Variants in SANBR observed in about 807,000 individuals in gnomAD.
The protein encoded by SANBR is SANT and BTB domain regulator of CSR.
A neutral mutation model predicts 101.8 loss-of-function variants in SANBR; 77 were observed. That is an observed-to-expected ratio of 0.76 (90% CI 0.63 to 0.91). SANBR has a LOEUF of 0.91. SANBR is among the 40% of genes least tolerant of loss of function. The pLI, the probability that SANBR is intolerant of heterozygous loss-of-function variation, is 0.00. For missense variants in SANBR, 875 were observed against 853.0 expected (o/e 1.03, Z -0.32); for synonymous variants, 279 against 274.7 (o/e 1.02, Z -0.15).
chr2:61,067,541 T>A (rs1472842881), intron 1 of SANBR, among the ~76,000 whole-genome samples: 1 of 152,020 alleles, frequency 6.6e-6, no homozygotes, highest in African/African-American at 2.4e-5. Context: ...ATCGAGACTA[T>A]CCTGGCCAAC....
rs1443293001 is a variant in SANBR, at chr2:61,097,826, C to T, written c.1339C>T (p.Arg447Trp). The change falls in exon 12 of 22, where the codon CGG becomes TGG. Residue 447 changes from arginine to tryptophan, a missense_variant. Transcript: ENST00000402291. ...IYPCCNQKVL[R>W]FDPTQLTKGC... ...TCCCTGCTGTAACCAAAAGGTTCTT[C>T]GGTTTGATCCTACTCAGCTTACAAA... 5.6e-6 allele frequency: 9 copies of T among 1,612,870 alleles called. No homozygotes were observed. Among genetic ancestry groups the T allele is most frequent in the African/African-American group, 5.3e-5 (4 of 74,868 alleles).
intron 12 of SANBR, among the ~76,000 whole-genome samples, chr2:61,100,001 T>G (rs756648907): frequency 6.6e-6 from 1 of 152,078 alleles, no homozygotes; most frequent in East Asian, 1.9e-4. Flanking sequence ...GAGTGAGAGA[T>G]AAACAAATGG....
At chr2:61,067,183 C>G (rs1288449401) in intron 1 of SANBR, among the ~76,000 whole-genome samples, 1 of 152,110 alleles carries the variant, frequency 6.6e-6, no homozygotes, top group Non-Finnish European at 1.5e-5. Flanking sequence ...GGGGGGTCTT[C>G]CCTTGCCTAG....
chr2:61,120,308 T>C (rs1386364519), intron 20 of SANBR, among the ~76,000 whole-genome samples: 1 of 151,406 alleles, frequency 6.6e-6, no homozygotes, highest in Non-Finnish European at 1.5e-5. Context: ...CAAGACCATC[T>C]GGCCAACATG....
intron 14 of SANBR, among the ~76,000 whole-genome samples, 186 bp from the exon 15 acceptor site, chr2:61,108,131 C>T (rs957599659): frequency 3.3e-5 from 5 of 152,260 alleles, no homozygotes; most frequent in Admixed American, 3.3e-4. Context: ...CATCCACATC[C>T]TCCTCTAGCA....
intron 10 of SANBR, chr2:61,089,126 A>G: frequency 2.0e-6 from 2 of 983,646 alleles, no homozygotes; most frequent in Non-Finnish European, 2.4e-6. Context: ...AAGAGAACCA[A>G]ATTTACTTTC....
chr2:61,095,452 T>C (rs535975532), intron 11 of SANBR, among the ~76,000 whole-genome samples: 2 of 152,318 alleles, frequency 1.3e-5, no homozygotes, highest in African/African-American at 4.8e-5. Flanking sequence ...TTCTGAATTA[T>C]AGGCAGCTGA....
downstream of SANBR, among the ~76,000 whole-genome samples, chr2:61,124,971 G>T (rs1007426157): frequency 1.3e-5 from 2 of 152,252 alleles, no homozygotes; most frequent in East Asian, 1.9e-4. Flanking sequence ...AATGTATTTT[G>T]TGTTTAATTC....
At chr2:61,088,548 C>A in intron 10 of SANBR, 80 bp downstream of exon 10, 5 of 914,106 alleles carry the variant, frequency 5.5e-6, no homozygotes, top group Non-Finnish European at 7.8e-6. Context: ...GAGACGGAGT[C>A]TTACTCTGTC....
chr2:61,109,677 G>GTTTTTTTTTTTTTTTTTT (rs1363427197), intron 16 of SANBR, among the ~76,000 whole-genome samples: 2 of 109,494 alleles, frequency 1.8e-5, no homozygotes, highest in Admixed American at 9.3e-5. Context: ...TTTTTTTTGT[G>GTTTTTTTTTTTTTTTTTT]TTTGTTTTTT....
At chr2:61,103,182 C>G (rs1467251629) in intron 12 of SANBR, among the ~76,000 whole-genome samples, 1 of 148,492 alleles carries the variant, frequency 6.7e-6, no homozygotes, top group Non-Finnish European at 1.5e-5. Flanking sequence ...ATCGCCCAAG[C>G]TGGAGTGCAG....
intron 20 of SANBR, chr2:61,133,997 A>G (rs1684767420): frequency 8.5e-6 from 11 of 1,289,172 alleles, no homozygotes; most frequent in Non-Finnish European, 1.2e-5. Flanking sequence ...ATCAAATTGC[A>G]TTTGGGTAAT....
At chr2:61,080,790 A>G (rs766994943) in intron 6 of SANBR, among the ~76,000 whole-genome samples, 1 of 152,028 alleles carries the variant, frequency 6.6e-6, no homozygotes, top group Non-Finnish European at 1.5e-5. Flanking sequence ...ACAGATTGGG[A>G]TTACTTATTT....
Position 61,077,136 on chromosome 2 carries a change from A to G in SANBR, c.648A>G (p.Lys216=), listed in dbSNP as rs1729659. 516,953 of 1,606,506 alleles carry G rather than the reference A, an allele frequency of 0.32. 85,568 individuals are homozygous for G. The highest frequency in any genetic ancestry group is 0.43 in the East Asian group (19,386 of 44,810). ...KYIKRNTKEN[K]DCEMPTLEPG... ...TTAAAAGGAACACTAAGGAGAATAA[A>G]GATTGTGAGATGCCCACTTTAGGTA... The change falls in exon 6 of 22, where the codon AAA becomes AAG. Residue 216 remains lysine (K), a synonymous_variant. Transcript: ENST00000402291.
chr2:61,083,294 CA>C lies in SANBR; in HGVS notation c.876del (p.Asp293IlefsTer21), dbSNP rs1294850896. On this transcript the variant is annotated frameshift_variant, in exon 8 of 22. Transcript: ENST00000402291. LOFTEE classifies it high-confidence loss of function. Reference sequence around the variant, plus strand: ...ACAATGAAGTTGATGATTTAAAGGACAAAAAAGATAAATTTAAAAGGTAATT... The same window carrying C: ...ACAATGAAGTTGATGATTTAAAGGACAAAAAGATAAATTTAAAAGGTAATT... ...SHNEVDDLKD[K>X]KDKFKSKLFC... 1.9e-6 allele frequency: 3 copies of C among 1,596,700 alleles called. No individual in the cohort carries two copies. The highest frequency in any genetic ancestry group is 2.6e-6 in the Non-Finnish European group (3 of 1,169,862).
At chr2:61,103,724 T>C in intron 12 of SANBR, 129 bp from the exon 13 acceptor site, 1 of 813,730 alleles carries the variant, frequency 1.2e-6, no homozygotes, top group Non-Finnish European at 1.9e-6. Flanking sequence ...ATGAGGAATG[T>C]TTTTCTTGAG....
intron 16 of SANBR, 138 bp downstream of exon 16, chr2:61,109,434 C>G (rs1221124602): frequency 2.2e-5 from 10 of 451,172 alleles, no homozygotes; most frequent in Non-Finnish European, 3.6e-5. Context: ...AAGGAGACAC[C>G]ATCAAGATTT....
intron 20 of SANBR, 57 bp downstream of exon 20, chr2:61,118,173 T>C: frequency 8.8e-7 from 1 of 1,135,516 alleles, no homozygotes; most frequent in Non-Finnish European, 1.3e-6. Flanking sequence ...CCTACTTTTA[T>C]TTTCAGCTTA....
At chr2:61,120,665 C>T (rs1163439858) in intron 20 of SANBR, among the ~76,000 whole-genome samples, 2 of 152,132 alleles carry the variant, frequency 1.3e-5, no homozygotes, top group African/African-American at 4.8e-5. Context: ...GTCAGGGCTG[C>T]AGTAAGCCTT....
Sources: gnomAD v4.1 joint callset for allele counts (sites outside exome capture counted in the v4.1 genomes callset) on GRCh38, gnomAD v4.1.1 for gene constraint, MANE v1.5 for transcripts, NCBI Gene and HGNC (gene_info 2026-07-23, HGNC 2026-07-21) for gene names.